The following PTPRN2 variants were observed in gnomAD, a reference collection of about 807,000 sequenced individuals.
The protein encoded by PTPRN2 is receptor-type tyrosine-protein phosphatase N2.
In PTPRN2, 74 loss-of-function variants were observed where a neutral mutation model predicts 118.8. The observed-to-expected ratio is 0.62, with a 90% CI of 0.52 to 0.76. The LOEUF is 0.76. Ranked by LOEUF, PTPRN2 falls within the 30% of genes least tolerant of loss-of-function variation. The pLI is 0.00. For missense variants in PTPRN2, 1,481 were observed against 1,394.4 expected (o/e 1.06, Z -0.99); for synonymous variants, 641 against 608.0 (o/e 1.05, Z -0.80).
intron 9 of PTPRN2, among the ~76,000 whole-genome samples, chr7:158,125,716 C>T (rs773903175): frequency 8.5e-5 from 13 of 152,292 alleles, no homozygotes; most frequent in Non-Finnish European, 1.3e-4. Context: ...GTGAGGACTG[C>T]GCTTTCTGAA....
chr7:158,105,865 C>G (rs999243330), intron 10 of PTPRN2, among the ~76,000 whole-genome samples: 1 of 152,036 alleles, frequency 6.6e-6, no homozygotes, highest in African/African-American at 2.4e-5. Context: ...CTCCACCCAG[C>G]TTCATCCCAT....
intron 2 of PTPRN2, among the ~76,000 whole-genome samples, chr7:158,407,768 G>A (rs1324997114): frequency 6.6e-6 from 1 of 152,216 alleles, no homozygotes; most frequent in African/African-American, 2.4e-5. Flanking sequence ...GAGCCCGGCT[G>A]CAGCCCCAAC....
chr7:158,316,339 T>A (rs1232548107), intron 3 of PTPRN2, among the ~76,000 whole-genome samples: 1 of 152,212 alleles, frequency 6.6e-6, no homozygotes, highest in Non-Finnish European at 1.5e-5. Flanking sequence ...AGTGGGCCGG[T>A]GCTGTGGGAA....
Position 157,944,844 on chromosome 7 carries a change from G to C in PTPRN2, c.1724-46107C>G, listed in dbSNP as rs191613761. On this transcript the variant is annotated intron_variant, in intron 11 of 22. Transcript: ENST00000389418. The surrounding 1 kb of genome is among the most constrained non-coding windows in gnomAD (Gnocchi z 4.3). ...CAGCTGGGAAGCAGCATGCTTCTTG[G>C]GGGGCAGGCATTGTCTACAACACAG... 5.9e-5 allele frequency among the ~76,000 whole-genome samples: 9 copies of C among 152,286 alleles called. No homozygotes were observed. The East Asian group carries it at 9.7e-4, about 16-fold the overall frequency.
At chr7:158,133,356 C>A (rs999060004) in intron 9 of PTPRN2, among the ~76,000 whole-genome samples, 1 of 152,208 alleles carries the variant, frequency 6.6e-6, no homozygotes, top group Non-Finnish European at 1.5e-5. Context: ...GTGATTCTGA[C>A]CCGCAGAGAG....
chr7:158,587,541 C>A lies in PTPRN2; in HGVS notation c.112+17G>T. The A allele has an allele frequency of 1.6e-6, 2 of 1,263,792 alleles. No homozygotes were observed. The highest frequency in any genetic ancestry group is 6.3e-5 in the East Asian group (2 of 31,758). 78.3% of individuals were successfully genotyped at this position (1,263,792 alleles called of 1,614,324 possible). Reference sequence around the variant, plus strand: ...CTAATTCATTGAGGCGCCCCTCCCCCGGCGCCCCCCACTCACCCAGACGCC... The same window carrying A: ...CTAATTCATTGAGGCGCCCCTCCCCAGGCGCCCCCCACTCACCCAGACGCC... On this transcript the variant is annotated intron_variant, in intron 1 of 22. Transcript: ENST00000389418.
intron 2 of PTPRN2, among the ~76,000 whole-genome samples, chr7:158,454,712 T>C (rs1670373): frequency 0.54 from 81,345 of 149,868 alleles, 22,449 homozygotes; most frequent in Non-Finnish European, 0.55. Flanking sequence ...ATGGTTGCTA[T>C]AGACAAAGAA....
rs546779700 is a variant in PTPRN2, at chr7:158,244,697, G to T, written c.278-39424C>A. 5.5e-5 allele frequency among the ~76,000 whole-genome samples: 7 copies of T among 126,318 alleles called. No individual in the cohort carries two copies. The South Asian group carries it at 2.0e-3, about 35-fold the overall frequency. 82.9% of individuals were successfully genotyped at this position (126,318 alleles called of 152,430 possible). ...TCTGTAAGCTGTGTAAGTTGTGAGT[G>T]TGTGTGGTTGTGAGTTGTGTTAGAG... is the stretch of plus-strand genomic sequence containing the variant. On this transcript the variant is annotated intron_variant, in intron 3 of 22. Transcript: ENST00000389418.
chr7:158,130,884 C>T (rs114396550), intron 9 of PTPRN2, among the ~76,000 whole-genome samples: 2,894 of 146,264 alleles, frequency 0.02, 74 homozygotes, highest in African/African-American at 0.061. Flanking sequence ...CATGCATATA[C>T]GCACAAACCG....
At chr7:158,467,952 T>C (rs1167244409) in intron 2 of PTPRN2, among the ~76,000 whole-genome samples, 1 of 152,190 alleles carries the variant, frequency 6.6e-6, no homozygotes, top group South Asian at 2.1e-4. Flanking sequence ...CCATTTACCC[T>C]GTGCTACTTT....
chr7:158,204,007 G>A (rs1327130569), intron 4 of PTPRN2, among the ~76,000 whole-genome samples: 1 of 151,894 alleles, frequency 6.6e-6, no homozygotes, highest in Non-Finnish European at 1.5e-5. Context: ...TCTGGGGAAA[G>A]ACGCAGCCCC....
At chr7:157,588,714 A>C (rs1800815529) in intron 17 of PTPRN2, among the ~76,000 whole-genome samples, 1 of 152,208 alleles carries the variant, frequency 6.6e-6, no homozygotes, top group Admixed American at 6.5e-5. Context: ...GGAAATGCCG[A>C]GGTCACTGCT....
chr7:158,439,602 T>G (rs1399440213), intron 2 of PTPRN2, among the ~76,000 whole-genome samples: 1 of 152,226 alleles, frequency 6.6e-6, no homozygotes, highest in Non-Finnish European at 1.5e-5. Context: ...CCTTTACAGA[T>G]AAAGCTTGCC....
At chr7:158,193,767 G>A (rs1051467585) in intron 4 of PTPRN2, among the ~76,000 whole-genome samples, 5 of 152,036 alleles carry the variant, frequency 3.3e-5, no homozygotes, top group East Asian at 1.9e-4. Context: ...TTGCTTTTTT[G>A]CACATGACCA....
At chr7:158,523,721 A>AGTC (rs1480281531) in intron 1 of PTPRN2, among the ~76,000 whole-genome samples, 400 of 47,398 alleles carry the variant, frequency 8.4e-3, no homozygotes, top group African/African-American at 9.8e-3. Flanking sequence ...CCTGGAGTGG[A>AGTC]GTCTGCCCTG....
At chr7:158,005,199 C>T (rs922465793) in intron 11 of PTPRN2, among the ~76,000 whole-genome samples, 1 of 152,058 alleles carries the variant, frequency 6.6e-6, no homozygotes, top group African/African-American at 2.4e-5. Context: ...CTCAGTCTGC[C>T]GAGTAGCTGG....
At chr7:158,141,949 C>T (rs1251944163) in intron 6 of PTPRN2, among the ~76,000 whole-genome samples, 2 of 152,204 alleles carry the variant, frequency 1.3e-5, no homozygotes, top group African/African-American at 4.8e-5. Flanking sequence ...GCGTTCACTG[C>T]CACCGATGTC....
rs201516577 is a variant in PTPRN2, at chr7:157,680,814, T to TC, written c.2001+1910dup. 1.1e-4 allele frequency among the ~76,000 whole-genome samples: 17 copies of TC among 152,278 alleles called. No homozygotes were observed. In the East Asian group the frequency reaches 2.9e-3, roughly 26 times the overall value. ...ATTTTTAAAGAAAAAAAGTTTTTTT[T>TC]CCTTTTTATTAATCTGGATTGAAGA... On this transcript the variant is annotated intron_variant, in intron 13 of 22. Coordinates refer to ENST00000389418, the MANE Select transcript of PTPRN2 (RefSeq NM_002847.5).
intron 2 of PTPRN2, among the ~76,000 whole-genome samples, chr7:158,351,622 C>T (rs1010782077): frequency 1.2e-4 from 18 of 152,152 alleles, no homozygotes; most frequent in African/African-American, 4.3e-4. Flanking sequence ...TTATTAACGC[C>T]TCATCCTTCT....
Sources: gnomAD v4.1 joint callset for allele counts (sites outside exome capture counted in the v4.1 genomes callset) on GRCh38, gnomAD v4.1.1 for gene constraint, Gnocchi (gnomAD v3.1) non-coding constraint, MANE v1.5 for transcripts, NCBI Gene and HGNC (gene_info 2026-07-23, HGNC 2026-07-21) for gene names.